Variants in GALNTL6 observed in about 807,000 individuals in gnomAD.
The protein encoded by GALNTL6 is polypeptide N-acetylgalactosaminyltransferase-like 6.
A neutral mutation model predicts 73.7 loss-of-function variants in GALNTL6; 46 were observed. The ratio of observed to expected loss-of-function variants is 0.62; its 90% CI spans 0.49 to 0.80. The LOEUF (loss-of-function observed/expected upper bound fraction) is 0.80, where lower values mean the gene tolerates loss of function less well. GALNTL6 is among the 30% of genes least tolerant of loss of function. GALNTL6 has a pLI of 0.00. For missense variants in GALNTL6, 604 were observed against 755.0 expected, an observed-to-expected ratio of 0.80 and a Z score of 2.34; for synonymous variants, 259 against 263.7, an observed-to-expected ratio of 0.98 and a Z score of 0.17.
chr4:172,023,094 G>A (rs995119049), intron 2 of GALNTL6, among the ~76,000 whole-genome samples: 42 of 151,730 alleles, frequency 2.8e-4, no homozygotes, highest in African/African-American at 9.4e-4. Flanking sequence ...CAGTACCATT[G>A]AAGAGGTGTC....
At chr4:172,781,768 G>A (rs1253831565) in intron 5 of GALNTL6, among the ~76,000 whole-genome samples, 3 of 151,942 alleles carry the variant, frequency 2.0e-5, no homozygotes, top group African/African-American at 7.3e-5. Flanking sequence ...CCTTTAGAGA[G>A]GGAAACTGAG....
chr4:172,763,958 ATTT>A (rs35078752), intron 5 of GALNTL6, among the ~76,000 whole-genome samples: 87 of 136,906 alleles, frequency 6.4e-4, no homozygotes, highest in African/African-American at 1.9e-3. Context: ...AACAAGGTGT[ATTT>A]TTTTTTTTTT....
intron 2 of GALNTL6, among the ~76,000 whole-genome samples, chr4:171,987,636 T>C (rs556015284): frequency 5.9e-5 from 9 of 152,262 alleles, no homozygotes; most frequent in African/African-American, 2.2e-4. Flanking sequence ...GAATAGCAGA[T>C]GGAACACTGA....
At chr4:172,523,562 G>A (rs927314441) in intron 5 of GALNTL6, among the ~76,000 whole-genome samples, 1 of 151,882 alleles carries the variant, frequency 6.6e-6, no homozygotes, top group Admixed American at 6.6e-5. Flanking sequence ...ACATGGTTTT[G>A]CCATGTTGCC....
chr4:172,925,149 G>T (rs1747987947), intron 8 of GALNTL6, among the ~76,000 whole-genome samples: 1 of 151,516 alleles, frequency 6.6e-6, no homozygotes, highest in South Asian at 2.1e-4. Context: ...TGGGATTACA[G>T]GCATGAGCCA....
chr4:171,857,264 TA>T (rs549005988), intron 2 of GALNTL6, among the ~76,000 whole-genome samples: 42 of 151,370 alleles, frequency 2.8e-4, no homozygotes, highest in African/African-American at 9.0e-4. Context: ...GTATTTTATT[TA>T]AAAAAAAAGA....
chr4:172,203,236 G>A (rs1011048628), intron 2 of GALNTL6, among the ~76,000 whole-genome samples: 2 of 152,086 alleles, frequency 1.3e-5, no homozygotes, highest in African/African-American at 4.8e-5. Flanking sequence ...AGATAAATTA[G>A]GAATTGTTTG....
chr4:171,880,016 G>A (rs758833805), intron 2 of GALNTL6, among the ~76,000 whole-genome samples: 33 of 152,242 alleles, frequency 2.2e-4, no homozygotes, highest in Non-Finnish European at 3.7e-4. Flanking sequence ...TGGTCCATTT[G>A]TTAAGAGCTT....
intron 5 of GALNTL6, among the ~76,000 whole-genome samples, chr4:172,433,762 A>G (rs1731544838): frequency 6.6e-6 from 1 of 152,094 alleles, no homozygotes; most frequent in Admixed American, 6.6e-5. Context: ...CAAACCCAGC[A>G]GAAGATGGAG....
intron 2 of GALNTL6, among the ~76,000 whole-genome samples, chr4:172,176,754 G>T (rs184966879): frequency 6.6e-6 from 1 of 151,978 alleles, no homozygotes; most frequent in Admixed American, 6.6e-5. Flanking sequence ...GTACCGTGGC[G>T]CTCTGGCCTG....
At chr4:172,169,590 T>C (rs771325598) in intron 2 of GALNTL6, among the ~76,000 whole-genome samples, 3 of 152,170 alleles carry the variant, frequency 2.0e-5, no homozygotes, top group Non-Finnish European at 4.4e-5. Flanking sequence ...CTTGATAATA[T>C]TTCAGGATAG....
chr4:172,725,628 A>C (rs181040340), intron 5 of GALNTL6, among the ~76,000 whole-genome samples: 52 of 152,316 alleles, frequency 3.4e-4, no homozygotes, highest in African/African-American at 1.2e-3. Context: ...CAAAAGTTAG[A>C]ATTAGGTGTA....
At chr4:172,665,919 G>A (rs1731637435) in intron 5 of GALNTL6, among the ~76,000 whole-genome samples, 1 of 152,026 alleles carries the variant, frequency 6.6e-6, no homozygotes, top group African/African-American at 2.4e-5. Context: ...CCTAGACTAT[G>A]CTAAGTATTT....
rs115927718 is a variant in GALNTL6, at chr4:171,930,233, C to T, written c.138+115515C>T. ...GCCCAGTCCAACAATCAATGTGGCACCTTCGCCTCCAGCGAAACCATGCCA... is the reference window on the plus strand; with the variant it reads ...GCCCAGTCCAACAATCAATGTGGCATCTTCGCCTCCAGCGAAACCATGCCA... On this transcript the variant is annotated intron_variant, in intron 2 of 12. Coordinates refer to ENST00000506823, the MANE Select transcript of GALNTL6 (RefSeq NM_001034845.3). Among the ~76,000 whole-genome samples the T allele has an allele frequency of 1.6e-3, 246 of 152,362 alleles. 1 individual carries two copies. The highest frequency in any genetic ancestry group is 5.6e-3 in the African/African-American group (234 of 41,594).
chr4:172,940,763 T>G (rs543687304), intron 9 of GALNTL6, among the ~76,000 whole-genome samples: 165 of 151,900 alleles, frequency 1.1e-3, no homozygotes, highest in African/African-American at 3.7e-3. Flanking sequence ...AACCTGGAAC[T>G]CCCAAGCTCA....
In GALNTL6 at chr4:172,952,083, A is replaced by G; in HGVS notation, c.1196A>G (p.Tyr399Cys). The change falls in exon 10 of 13, where the codon TAC (tyrosine) becomes TGC (cysteine). Residue 399 changes from tyrosine to cysteine, a missense_variant. Physicochemically the swap from Tyr to Cys is radical, Grantham distance 194. This residue lies in a region of GALNTL6 where 261 missense variants were observed against 296.5 expected (regional missense o/e 0.88). Transcript: ENST00000506823. ...ACCTGGATGGATGAATTTGCCGAGT[A>G]CATTTACCAGCGGCGGCCGGAGTAC... is the stretch of plus-strand genomic sequence containing the variant. ...AETWMDEFAEYIYQRRPEYRH... is the reference protein window; with the variant it reads ...AETWMDEFAECIYQRRPEYRH... The G allele has an allele frequency of 3.1e-6, 5 of 1,614,128 alleles. No homozygotes were observed. Among genetic ancestry groups the G allele is most frequent in the Non-Finnish European group, 4.2e-6 (5 of 1,180,004 alleles).
chr4:172,912,646 A>C (rs904893854), intron 8 of GALNTL6, among the ~76,000 whole-genome samples: 12 of 152,232 alleles, frequency 7.9e-5, no homozygotes, highest in Admixed American at 5.9e-4. Flanking sequence ...CCCAACTGAG[A>C]GGCCGCAGCG....
chr4:172,346,262 C>T (rs1475818268), intron 4 of GALNTL6, among the ~76,000 whole-genome samples: 3 of 152,222 alleles, frequency 2.0e-5, no homozygotes, highest in Admixed American at 6.5e-5. Flanking sequence ...ATGAAAGCTA[C>T]GTTCCAACTG....
intron 5 of GALNTL6, among the ~76,000 whole-genome samples, chr4:172,386,749 C>T (rs1350177880): frequency 6.6e-6 from 1 of 152,024 alleles, no homozygotes. Flanking sequence ...AAGGGTGTCC[C>T]ATTTTCAGAA....
Sources: allele counts gnomAD v4.1 joint callset (sites outside exome capture counted in the v4.1 genomes callset), GRCh38; gene constraint gnomAD v4.1.1; regional missense constraint gnomAD v4.1.1; transcripts MANE v1.5; gene names NCBI Gene and HGNC (gene_info 2026-07-23, HGNC 2026-07-21).